TTC39C: variants seen among roughly 807,000 people sequenced by gnomAD.
The protein encoded by TTC39C is tetratricopeptide repeat domain 39C, also known as tetratricopeptide repeat protein 39C.
In TTC39C, 33 loss-of-function variants were observed where a neutral mutation model predicts 76.3. That is an observed-to-expected ratio of 0.43 (90% CI 0.33 to 0.58). TTC39C has a LOEUF of 0.58. Among genes scored for constraint, TTC39C ranks in the 20% least tolerant of loss-of-function variants. The pLI is 0.04. For synonymous variants in TTC39C, 254 were observed against 260.6 expected (o/e 0.97, Z 0.24); for missense variants, 595 against 701.4 (o/e 0.85, Z 1.71).
At chr18:24,113,781 G>A in intron 6 of TTC39C, 1 of 682,040 alleles carries the variant, frequency 1.5e-6, no homozygotes, top group South Asian at 1.6e-5. Flanking sequence ...CAGACCCTGA[G>A]TGACATCTTC....
intron 6 of TTC39C, among the ~76,000 whole-genome samples, chr18:24,108,761 C>A (rs142127774): frequency 6.6e-6 from 1 of 152,160 alleles, no homozygotes; most frequent in Non-Finnish European, 1.5e-5. Context: ...TCTCTTGCCA[C>A]AGAACACGCA....
At chr18:24,101,555 C>T (rs966050873) in intron 6 of TTC39C, among the ~76,000 whole-genome samples, 2 of 64,138 alleles carry the variant, frequency 3.1e-5, no homozygotes, top group African/African-American at 9.5e-5. Context: ...GAGACTCCGT[C>T]TCAAAAAAAA....
At chr18:24,083,419 A>AAT (rs1396163754) in intron 6 of TTC39C, among the ~76,000 whole-genome samples, 1 of 152,212 alleles carries the variant, frequency 6.6e-6, no homozygotes, top group African/African-American at 2.4e-5. Context: ...CTGAATTACT[A>AAT]ATAATCTCTT....
At chr18:24,102,267 C>T (rs2084686101) in intron 6 of TTC39C, among the ~76,000 whole-genome samples, 1 of 152,218 alleles carries the variant, frequency 6.6e-6, no homozygotes, top group African/African-American at 2.4e-5. Context: ...GTGCATTATT[C>T]ATTTCCTCTA....
chr18:24,049,125 G>GTTT (rs1303107628), intron 1 of TTC39C, among the ~76,000 whole-genome samples: 1 of 152,158 alleles, frequency 6.6e-6, no homozygotes, highest in Non-Finnish European at 1.5e-5. Context: ...GTAAAATAAT[G>GTTT]TTTTAAAGAG....
intron 6 of TTC39C, among the ~76,000 whole-genome samples, chr18:24,090,420 A>G (rs1281569736): frequency 1.3e-5 from 2 of 152,176 alleles, no homozygotes; most frequent in African/African-American, 4.8e-5. Flanking sequence ...TATTTCCATA[A>G]TGATACAAAT....
At chr18:24,076,376 G>T (rs1049277496) in intron 4 of TTC39C, among the ~76,000 whole-genome samples, 2 of 152,204 alleles carry the variant, frequency 1.3e-5, no homozygotes, top group African/African-American at 4.8e-5. Flanking sequence ...GCAGCCAGAT[G>T]AAAGGCTGTG....
At chr18:24,065,122 G>A (rs1341888223) in intron 2 of TTC39C, among the ~76,000 whole-genome samples, 1 of 152,232 alleles carries the variant, frequency 6.6e-6, no homozygotes, top group Non-Finnish European at 1.5e-5. Context: ...GGCCACAGCA[G>A]GGTTGAGATT....
intron 6 of TTC39C, chr18:24,113,792 A>G (rs2084850694): frequency 1.3e-5 from 9 of 667,902 alleles, no homozygotes; most frequent in Admixed American, 2.1e-5. Flanking sequence ...TGACATCTTC[A>G]GCGGCGGGAA....
At chr18:24,100,401 T>A (rs1389591001) in intron 6 of TTC39C, among the ~76,000 whole-genome samples, 2 of 152,228 alleles carry the variant, frequency 1.3e-5, no homozygotes, top group Non-Finnish European at 1.5e-5. Context: ...ACCTTGGCCC[T>A]TCACCTCTTT....
chr18:24,103,877 A>T (rs2084710233), intron 6 of TTC39C, among the ~76,000 whole-genome samples: 1 of 151,938 alleles, frequency 6.6e-6, no homozygotes, highest in Non-Finnish European at 1.5e-5. Context: ...CTCTGTACAA[A>T]ACCCATAAAT....
At chr18:24,012,111 A>G (rs1332516793), upstream of TTC39C, among the ~76,000 whole-genome samples, 2 of 152,204 alleles carry the variant, frequency 1.3e-5, no homozygotes, top group Non-Finnish European at 2.9e-5. Flanking sequence ...GTCAATGCCA[A>G]CTACAGCTGC....
chr18:24,012,407 G>A (rs549326325), upstream of TTC39C, among the ~76,000 whole-genome samples: 3 of 152,216 alleles, frequency 2.0e-5, no homozygotes, highest in East Asian at 5.8e-4. Context: ...TCTGCACAAC[G>A]GACTGTGTGA....
rs71163650 is a variant in TTC39C, at chr18:23,997,551, C to CAA, written c.-17+4536_-17+4537dup. ...TGGGCAATAGAGCAAGTCTCTGTCT[C>CAA]AAAAAAAAAAAAAAAAAAAAAAAAG... On this transcript the variant is annotated intron_variant, in intron 1 of 13. Transcript: ENST00000304621. 1.3e-3 allele frequency among the ~76,000 whole-genome samples: 66 copies of CAA among 52,174 alleles called. 3 individuals are homozygous for CAA. The highest frequency in any genetic ancestry group is 5.0e-3 in the African/African-American group (60 of 12,026). 34.2% of individuals were successfully genotyped at this position (52,174 alleles called of 152,430 possible).
intron 1 of TTC39C, among the ~76,000 whole-genome samples, chr18:24,022,139 T>A (rs4450486): frequency 6.6e-6 from 1 of 152,002 alleles, no homozygotes; most frequent in Non-Finnish European, 1.5e-5. Flanking sequence ...GTAGGTGATA[T>A]GCAAATACTG....
chr18:24,051,967 C>G (rs576966264), intron 1 of TTC39C, among the ~76,000 whole-genome samples: 48 of 152,288 alleles, frequency 3.2e-4, no homozygotes, highest in Middle Eastern at 3.4e-3. Flanking sequence ...GGGGTCCCCA[C>G]TCTTGGGGAC....
Position 24,114,599 on chromosome 18 carries a change from C to G in TTC39C, c.1030C>G (p.Leu344Val). The G allele has an allele frequency of 6.2e-7, 1 of 1,614,062 alleles. No individual in the cohort carries two copies. The highest frequency in any genetic ancestry group is 8.5e-7 in the Non-Finnish European group (1 of 1,179,952). ...GACATCTTTCCACACTGCTTTGGAA[C>G]TTGCAGTAGACCAGAGAGAAATTCA... ...ALTSFHTALE[L>V]AVDQREIQHV... Residue 344 changes from leucine to valine, a missense_variant, in exon 7 of 14, where the codon CTT (leucine) becomes GTT (valine). By Grantham distance (32) the Leu-to-Val change is conservative (BLOSUM62 1). Transcript: ENST00000317571.
rs546467320 is a variant in TTC39C, at chr18:24,131,725, A to G, written c.1624-157A>G. 2.0e-5 allele frequency among the ~76,000 whole-genome samples: 3 copies of G among 152,164 alleles called. No homozygotes were observed. The South Asian group carries it at 6.2e-4, about 32-fold the overall frequency. On this transcript the variant is annotated intron_variant, in intron 12 of 13. Transcript: ENST00000317571. Reference sequence around the variant, plus strand: ...GAAACTCCATCTCAAAAAAAAAAAAAAAAGAAGAATATTGGAGTCATTATA... The same window carrying G: ...GAAACTCCATCTCAAAAAAAAAAAAGAAAGAAGAATATTGGAGTCATTATA...
chr18:24,024,901 CTG>C (rs1397692824), intron 1 of TTC39C, among the ~76,000 whole-genome samples: 1 of 152,228 alleles, frequency 6.6e-6, no homozygotes, highest in African/African-American at 2.4e-5. Flanking sequence ...GACAGTCTCA[CTG>C]TATCTCCCAG....
Sources: gnomAD v4.1 joint callset for allele counts (sites outside exome capture counted in the v4.1 genomes callset) on GRCh38, gnomAD v4.1.1 for gene constraint, MANE v1.5 for transcripts, NCBI Gene and HGNC (gene_info 2026-07-23, HGNC 2026-07-21) for gene names.